The following KCNIP4 variants were observed in gnomAD, a reference collection of about 807,000 sequenced individuals.
KCNIP4 encodes the protein potassium voltage-gated channel interacting protein 4.
A neutral mutation model predicts 34.0 loss-of-function variants in KCNIP4; 12 were observed. The ratio of observed to expected loss-of-function variants is 0.35; its 90% CI spans 0.23 to 0.57. KCNIP4 has a LOEUF of 0.57. KCNIP4 is among the 20% of genes least tolerant of loss of function. The probability of loss-of-function intolerance (pLI) is 0.83; values close to 1 mark genes in which losing one functional copy is unlikely to be tolerated. For synonymous variants in KCNIP4, 124 were observed against 102.2 expected (o/e 1.21, Z -1.29); for missense variants, 238 against 311.7 (o/e 0.76, Z 1.78).
chr4:21,072,743 T>C (rs1745085873), intron 1 of KCNIP4, among the ~76,000 whole-genome samples: 1 of 145,318 alleles, frequency 6.9e-6, no homozygotes. Flanking sequence ...TGAATGGTAT[T>C]GCCTAGGTTT....
chr4:21,837,119 A>G (rs1039198194), intron 1 of KCNIP4, among the ~76,000 whole-genome samples: 1 of 150,262 alleles, frequency 6.7e-6, no homozygotes, highest in Admixed American at 6.6e-5. Context: ...GGGTTTCACC[A>G]TGTTAGCCAG....
At chr4:20,943,913 G>A (rs1322371687) in intron 1 of KCNIP4, among the ~76,000 whole-genome samples, 1 of 152,150 alleles carries the variant, frequency 6.6e-6, no homozygotes, top group East Asian at 1.9e-4. Context: ...GAGAGCACAA[G>A]GAAGACTATG....
intron 1 of KCNIP4, among the ~76,000 whole-genome samples, chr4:21,907,128 G>A (rs1314113205): frequency 6.6e-6 from 1 of 152,136 alleles, no homozygotes; most frequent in African/African-American, 2.4e-5. Context: ...GGTTCTTGGA[G>A]TGGCAATGTT....
intron 1 of KCNIP4, among the ~76,000 whole-genome samples, chr4:21,125,173 T>TTTATTTTATTTTGTC (rs1198023622): frequency 8.2e-6 from 1 of 122,614 alleles, no homozygotes; most frequent in Non-Finnish European, 1.7e-5. Flanking sequence ...GAGGGCTTTT[T>TTTATTTTATTTTGTC]TTATTTTATT....
intron 1 of KCNIP4, among the ~76,000 whole-genome samples, chr4:21,344,623 C>G (rs1176382284): frequency 1.3e-5 from 2 of 152,088 alleles, no homozygotes; most frequent in African/African-American, 4.8e-5. Flanking sequence ...TGGAATGAAC[C>G]AATCCCAGCT....
chr4:20,732,670 T>G lies in KCNIP4; in HGVS notation c.642+11A>C. The stretch of plus-strand genomic sequence containing the variant: ...ACTTCATGCCCTCTTGACTTCTGTT[T>G]TAATTCCTACCTGAAAAAATGTTTC... On this transcript the variant is annotated intron_variant, in intron 7 of 8. Coordinates refer to ENST00000382152, the MANE Select transcript of KCNIP4 (RefSeq NM_025221.6). 2.5e-6 allele frequency: 4 copies of G among 1,581,772 alleles called. No individual in the cohort carries two copies. Among genetic ancestry groups the G allele is most frequent in the Non-Finnish European group, 3.5e-6 (4 of 1,150,986 alleles).
chr4:21,158,053 G>T (rs535439171), intron 1 of KCNIP4, among the ~76,000 whole-genome samples: 3 of 151,742 alleles, frequency 2.0e-5, no homozygotes, highest in East Asian at 1.9e-4. Context: ...AAAAAAACAC[G>T]CATGTGAAAT....
At chr4:21,321,414 T>A (rs542255795) in intron 1 of KCNIP4, among the ~76,000 whole-genome samples, 1 of 152,172 alleles carries the variant, frequency 6.6e-6, no homozygotes, top group African/African-American at 2.4e-5. Flanking sequence ...AAGATAAGAA[T>A]CTACAGATAT....
intron 1 of KCNIP4, among the ~76,000 whole-genome samples, chr4:21,432,911 T>C (rs896701819): frequency 6.6e-6 from 1 of 152,122 alleles, no homozygotes; most frequent in South Asian, 2.1e-4. Flanking sequence ...ATTACCAGAA[T>C]AGATGATTAT....
chr4:21,258,434 C>A (rs1236542624), intron 1 of KCNIP4, among the ~76,000 whole-genome samples: 2 of 152,142 alleles, frequency 1.3e-5, no homozygotes, highest in Non-Finnish European at 2.9e-5. Flanking sequence ...TGACCCCGAC[C>A]TTTTCTTTAA....
chr4:20,837,349 G>T (rs1021325158), intron 3 of KCNIP4, among the ~76,000 whole-genome samples: 3 of 151,936 alleles, frequency 2.0e-5, no homozygotes, highest in Non-Finnish European at 4.4e-5. Flanking sequence ...CAAAGCTTTG[G>T]CAACATATTT....
In KCNIP4 at chr4:21,256,340, G is replaced by C. The variant is rs187328032; in HGVS notation, c.62-373631C>G. 3.0e-4 allele frequency among the ~76,000 whole-genome samples: 45 copies of C among 151,616 alleles called. No homozygotes were observed. The East Asian group carries it at 8.6e-3, about 29-fold the overall frequency. On this transcript the variant is annotated intron_variant, in intron 1 of 8. Coordinates refer to ENST00000382152, the MANE Select transcript of KCNIP4 (RefSeq NM_025221.6). The stretch of plus-strand genomic sequence containing the variant: ...TGCCTGTAATATCAGCATTTGGGGA[G>C]GCCCACATTCCGGGATGATGGCTTG...
At chr4:21,144,521 G>A (rs1328691697) in intron 1 of KCNIP4, among the ~76,000 whole-genome samples, 1 of 152,074 alleles carries the variant, frequency 6.6e-6, no homozygotes, top group Non-Finnish European at 1.5e-5. Flanking sequence ...TTGAAATAAA[G>A]AAACCAAAAC....
chr4:21,209,432 A>G (rs942101588), intron 1 of KCNIP4, among the ~76,000 whole-genome samples: 26 of 152,060 alleles, frequency 1.7e-4, no homozygotes, highest in African/African-American at 5.8e-4. Context: ...AGTCTTTACA[A>G]TCCTTTGTTC....
chr4:21,729,285 C>T (rs977864859), intron 1 of KCNIP4, among the ~76,000 whole-genome samples: 11 of 152,132 alleles, frequency 7.2e-5, no homozygotes, highest in African/African-American at 2.7e-4. Context: ...CTTCTTATTT[C>T]ATTATTAGAA....
intron 1 of KCNIP4, among the ~76,000 whole-genome samples, chr4:21,439,781 C>T (rs1727293165): frequency 6.6e-6 from 1 of 152,098 alleles, no homozygotes; most frequent in African/African-American, 2.4e-5. Flanking sequence ...GTGGTTGATC[C>T]GTAAAACTGA....
chr4:21,396,394 A>T (rs997180861), intron 1 of KCNIP4, among the ~76,000 whole-genome samples: 9 of 151,740 alleles, frequency 5.9e-5, no homozygotes, highest in African/African-American at 2.2e-4. Flanking sequence ...TGTCTCTACT[A>T]AAAATACAAA....
rs572191843 is a variant in KCNIP4 at position 20,936,287 on chromosome 4, C to A, written c.62-53578G>T. Among the ~76,000 whole-genome samples the A allele has an allele frequency of 2.0e-4, 31 of 152,274 alleles. No homozygotes were observed. In the South Asian group the frequency reaches 6.2e-3, roughly 31 times the overall value. ...GAACTGCAGTTTCCATCCTGGCAGA[C>A]CTTCAGCCCTTAGACTCAGTGGGGA... On this transcript the variant is annotated intron_variant, in intron 1 of 8. Coordinates refer to ENST00000382152, the MANE Select transcript of KCNIP4 (RefSeq NM_025221.6).
chr4:21,271,510 AATGCTT>A (rs1276527690), intron 1 of KCNIP4, among the ~76,000 whole-genome samples: 2 of 152,160 alleles, frequency 1.3e-5, no homozygotes, highest in Non-Finnish European at 2.9e-5. Flanking sequence ...TCAGGGTGCC[AATGCTT>A]ATAGATAGTT....
Sources: allele counts gnomAD v4.1 joint callset (sites outside exome capture counted in the v4.1 genomes callset), GRCh38; gene constraint gnomAD v4.1.1; transcripts MANE v1.5; gene names NCBI Gene and HGNC (gene_info 2026-07-23, HGNC 2026-07-21).